PRKCZ: variants seen among roughly 807,000 people sequenced by gnomAD.
PRKCZ encodes protein kinase C zeta type.
PRKCZ carries 33 observed loss-of-function variants against 79.5 expected under a neutral mutation model. That is an observed-to-expected ratio of 0.41 (90% CI 0.31 to 0.55). The LOEUF is 0.55. PRKCZ is among the 20% of genes least tolerant of loss of function. The pLI is 0.19. For synonymous variants in PRKCZ, 342 were observed against 320.9 expected, an observed-to-expected ratio of 1.07 and a Z score of -0.70; for missense variants, 578 against 813.5, an observed-to-expected ratio of 0.71 and a Z score of 3.52.
At chr1:2,135,822 T>C (rs1676084734) in intron 5 of PRKCZ, among the ~76,000 whole-genome samples, 1 of 152,252 alleles carries the variant, frequency 6.6e-6, no homozygotes, top group South Asian at 2.1e-4. Context: ...GGGGGCCCTT[T>C]CCAGAGGACA....
intron 4 of PRKCZ, among the ~76,000 whole-genome samples, chr1:2,091,903 T>C (rs1407651724): frequency 1.3e-5 from 2 of 152,220 alleles, no homozygotes; most frequent in Admixed American, 6.5e-5. Context: ...CTTTTTCTTT[T>C]ACTTTCTTTG....
At chr1:2,182,323 C>T (rs1158685055) in intron 16 of PRKCZ, 2 of 166,190 alleles carry the variant, frequency 1.2e-5, no homozygotes, top group South Asian at 1.5e-4. Context: ...CAAGCAGCAC[C>T]TGAGACTCTG....
intron 4 of PRKCZ, among the ~76,000 whole-genome samples, chr1:2,126,565 G>A (rs1237752606): frequency 6.6e-6 from 1 of 152,152 alleles, no homozygotes; most frequent in Non-Finnish European, 1.5e-5. Context: ...GGCCCGTGAT[G>A]TCACTGGGAA....
intron 4 of PRKCZ, among the ~76,000 whole-genome samples, chr1:2,072,614 G>T (rs903351799): frequency 2.0e-5 from 3 of 152,198 alleles, no homozygotes; most frequent in African/African-American, 4.8e-5. Context: ...GGCGACTGGG[G>T]GCCCGTGTAG....
intron 4 of PRKCZ, among the ~76,000 whole-genome samples, chr1:2,107,033 G>A (rs530708352): frequency 6.7e-6 from 1 of 150,192 alleles, no homozygotes; most frequent in South Asian, 2.1e-4. Context: ...CGGCTCGGCT[G>A]TCTCAGTTGT....
chr1:2,130,902 G>A (rs1674822209), intron 4 of PRKCZ, among the ~76,000 whole-genome samples: 1 of 151,916 alleles, frequency 6.6e-6, no homozygotes, highest in Non-Finnish European at 1.5e-5. Context: ...ATCCCCTTAA[G>A]CCACACTCAG....
chr1:2,174,738 G>A lies in PRKCZ; in HGVS notation c.1406-16G>A. The stretch of plus-strand genomic sequence containing the variant: ...ACACAACACAGGCAAGTCCTCACCA[G>A]GCTCCGCCCTTGCAGTGATCCTGGA... On this transcript the variant is annotated splice_polypyrimidine_tract_variant and intron_variant, in intron 14 of 17. Transcript: ENST00000378567. The surrounding 1 kb of genome is among the most constrained non-coding windows in gnomAD (Gnocchi z 6.2). 6.2e-7 allele frequency: 1 copy of A among 1,612,778 alleles called. No homozygotes were observed. Among genetic ancestry groups the A allele is most frequent in the South Asian group, 1.1e-5 (1 of 91,054 alleles).
chr1:2,112,251 G>A (rs1669883858), intron 4 of PRKCZ, among the ~76,000 whole-genome samples: 1 of 152,186 alleles, frequency 6.6e-6, no homozygotes, highest in Non-Finnish European at 1.5e-5. Flanking sequence ...AGTGTTTGAC[G>A]TTTATGTGTA....
chr1:2,156,244 C>G, intron 10 of PRKCZ, 152 bp downstream of exon 10: 1 of 648,568 alleles, frequency 1.5e-6, no homozygotes, highest in East Asian at 2.9e-5. Context: ...CTTTGTTGTT[C>G]TCCTTGGTTG....
chr1:2,109,638 T>G (rs1272135899), intron 4 of PRKCZ, among the ~76,000 whole-genome samples: 3 of 152,072 alleles, frequency 2.0e-5, no homozygotes, highest in African/African-American at 7.2e-5. Flanking sequence ...CCGGCCGTGG[T>G]GAGGACACGG....
intron 4 of PRKCZ, among the ~76,000 whole-genome samples, chr1:2,111,347 G>C (rs1400524487): frequency 3.3e-5 from 5 of 152,094 alleles, no homozygotes; most frequent in Non-Finnish European, 7.4e-5. Flanking sequence ...GACAGGGACA[G>C]GCGGGGTGGG....
intron 2 of PRKCZ, chr1:2,055,812 G>A (rs778317757): frequency 9.7e-5 from 45 of 465,524 alleles, no homozygotes; most frequent in Non-Finnish European, 1.7e-4. Context: ...GGGTCTCCCT[G>A]CCCCACCCTG....
chr1:2,117,265 A>G (rs1670933962), intron 4 of PRKCZ, among the ~76,000 whole-genome samples: 1 of 152,008 alleles, frequency 6.6e-6, no homozygotes, highest in Non-Finnish European at 1.5e-5. Flanking sequence ...TTCTTTCAAT[A>G]ATATTTTGTA....
At chr1:2,164,062 A>G (rs532543695) in intron 10 of PRKCZ, among the ~76,000 whole-genome samples, 131 of 152,208 alleles carry the variant, frequency 8.6e-4, no homozygotes, top group Non-Finnish European at 9.7e-4. Context: ...TCCTGGGGAA[A>G]ACCGTGCCCT....
intron 4 of PRKCZ, among the ~76,000 whole-genome samples, chr1:2,091,885 A>C (rs1393627595): frequency 6.6e-6 from 1 of 152,054 alleles, no homozygotes; most frequent in East Asian, 1.9e-4. Context: ...AGTTGTGGGC[A>C]ATTGTTTCTT....
rs773249522 is a variant in PRKCZ, at chr1:2,062,282, C to T, written c.334+2691C>T. Reference sequence around the variant, plus strand: ...TCCCTGTTCTGCCCCAGCCCCACCTCCGCTCAGCCTCTGTCTCTGTGGCCC... The same window carrying T: ...TCCCTGTTCTGCCCCAGCCCCACCTTCGCTCAGCCTCTGTCTCTGTGGCCC... On this transcript the variant is annotated intron_variant, in intron 4 of 17. Transcript: ENST00000378567. 6.6e-5 allele frequency among the ~76,000 whole-genome samples: 10 copies of T among 152,280 alleles called. No homozygotes were observed. In the South Asian group the frequency reaches 2.1e-3, roughly 32 times the overall value.
chr1:2,161,101 A>G (rs1682193629), intron 10 of PRKCZ, among the ~76,000 whole-genome samples: 1 of 152,188 alleles, frequency 6.6e-6, no homozygotes, highest in Non-Finnish European at 1.5e-5. Context: ...TGCTGGAGTC[A>G]TGGGAGCTCA....
At chr1:2,066,339 G>A (rs970582775) in intron 4 of PRKCZ, among the ~76,000 whole-genome samples, 2 of 152,046 alleles carry the variant, frequency 1.3e-5, no homozygotes, top group African/African-American at 4.8e-5. Context: ...GCTTTGCTTT[G>A]TTGGGAGGTT....
intron 5 of PRKCZ, among the ~76,000 whole-genome samples, chr1:2,136,755 C>G (rs1488618819): frequency 6.6e-6 from 1 of 152,118 alleles, no homozygotes; most frequent in Non-Finnish European, 1.5e-5. Flanking sequence ...GTCCGCACCC[C>G]AGCCCACCCT....
Sources: gnomAD v4.1 joint callset for allele counts (sites outside exome capture counted in the v4.1 genomes callset) on GRCh38, gnomAD v4.1.1 for gene constraint, Gnocchi (gnomAD v3.1) non-coding constraint, MANE v1.5 for transcripts, NCBI Gene and HGNC (gene_info 2026-07-23, HGNC 2026-07-21) for gene names.